The following SLC16A14 variants were observed in gnomAD, a reference collection of about 807,000 sequenced individuals.
SLC16A14 encodes the protein monocarboxylate transporter 14.
In SLC16A14, 14 loss-of-function variants were observed where a neutral mutation model predicts 35.8. That is an observed-to-expected ratio of 0.39 (90% confidence interval 0.26 to 0.61). The LOEUF (loss-of-function observed/expected upper bound fraction) is 0.61. Ranked by LOEUF, SLC16A14 falls within the 20% of genes least tolerant of loss-of-function variation. The pLI is 0.51. For missense variants in SLC16A14, 533 were observed against 655.0 expected, an observed-to-expected ratio of 0.81 and a Z score of 2.03; for synonymous variants, 248 against 258.9, an observed-to-expected ratio of 0.96 and a Z score of 0.40.
intron 2 of SLC16A14, among the ~76,000 whole-genome samples, chr2:230,051,052 C>G (rs569897672): frequency 2.6e-4 from 40 of 152,322 alleles, no homozygotes; most frequent in African/African-American, 8.9e-4. Flanking sequence ...TATGGAGATT[C>G]GGGAATCCAT....
intron 2 of SLC16A14, among the ~76,000 whole-genome samples, chr2:230,052,012 C>T (rs2077663995): frequency 6.6e-6 from 1 of 151,338 alleles, no homozygotes; most frequent in African/African-American, 2.4e-5. Context: ...TCTCGACTCA[C>T]TGCAAGCTCC....
At chr2:230,040,214 C>CATTATTATTATT (rs138263085) in intron 4 of SLC16A14, among the ~76,000 whole-genome samples, 20 of 150,420 alleles carry the variant, frequency 1.3e-4, no homozygotes, top group African/African-American at 3.7e-4. Flanking sequence ...AAATTGAATT[C>CATTATTATTATT]ATTATTATTA....
In SLC16A14 at chr2:230,048,911, G is replaced by T. The variant is rs559069356; in HGVS notation, c.403+850C>A. On this transcript the variant is annotated intron_variant, in intron 3 of 4. Coordinates refer to ENST00000295190, the MANE Select transcript of SLC16A14 (RefSeq NM_152527.5). ...ATACTCCAGCCTGGGCAACAAGAGTGAAACTCCATCTCAAAAAAAAAAAAA... is the reference window on the plus strand; with the variant it reads ...ATACTCCAGCCTGGGCAACAAGAGTTAAACTCCATCTCAAAAAAAAAAAAA... 2.3e-4 allele frequency among the ~76,000 whole-genome samples: 15 copies of T among 65,624 alleles called. No homozygotes were observed. In the South Asian group the frequency reaches 5.2e-3, roughly 23 times the overall value. 43.1% of individuals were successfully genotyped at this position (65,624 alleles called of 152,430 possible).
At chr2:230,061,731 T>C (rs1310805492) in intron 1 of SLC16A14, among the ~76,000 whole-genome samples, 1 of 150,700 alleles carries the variant, frequency 6.6e-6, no homozygotes, top group Non-Finnish European at 1.5e-5. Flanking sequence ...TTTTACTCAA[T>C]TTGAACAATA....
chr2:230,053,386 A>G (rs2077678240), intron 2 of SLC16A14, among the ~76,000 whole-genome samples: 2 of 152,212 alleles, frequency 1.3e-5, no homozygotes, highest in South Asian at 4.1e-4. Flanking sequence ...ACCATGACTC[A>G]CACTTTTATA....
At chr2:230,063,721 A>G (rs890954642) in intron 1 of SLC16A14, among the ~76,000 whole-genome samples, 3 of 152,218 alleles carry the variant, frequency 2.0e-5, no homozygotes, top group African/African-American at 7.2e-5. Flanking sequence ...GGAGCAAAAC[A>G]AAGAAAAATG....
chr2:230,060,661 C>G (rs910069237), intron 1 of SLC16A14, among the ~76,000 whole-genome samples: 3 of 151,636 alleles, frequency 2.0e-5, no homozygotes, highest in Non-Finnish European at 2.9e-5. Flanking sequence ...TGTGCCTGGC[C>G]TGTTTCATTT....
At chr2:230,042,036 T>C (rs2077564765) in intron 4 of SLC16A14, among the ~76,000 whole-genome samples, 2 of 152,216 alleles carry the variant, frequency 1.3e-5, no homozygotes, top group South Asian at 4.1e-4. Context: ...ATGAATTCAA[T>C]GGAAGATGAA....
rs1466867471 is a variant in SLC16A14, at chr2:230,037,436, A to C, written c.1477T>G (p.Cys493Gly). 1 of 1,613,064 alleles carries C rather than the reference A, an allele frequency of 6.2e-7. No homozygotes were observed. The change falls in exon 5 of 5, where the codon TGC (cysteine) becomes GGC (glycine). Residue 493 changes from cysteine to glycine, a missense_variant. Physicochemically the swap from Cys to Gly is radical, Grantham distance 159. Coordinates refer to ENST00000295190, the MANE Select transcript of SLC16A14 (RefSeq NM_152527.5). Reference sequence around the variant, plus strand: ...CTGGATTGTTCTATAATTCGAATGCACGGCTGAATAAGTAAAAAGAGTATT... The same window carrying C: ...CTGGATTGTTCTATAATTCGAATGCCCGGCTGAATAAGTAAAAAGAGTATT... ...IGILFLLIQPCIRIIEQSRRK... is the reference protein window; with the variant it reads ...IGILFLLIQPGIRIIEQSRRK...
chr2:230,053,634 A>G (rs2077679954), intron 2 of SLC16A14, among the ~76,000 whole-genome samples: 8 of 152,102 alleles, frequency 5.3e-5, no homozygotes, highest in Admixed American at 5.2e-4. Flanking sequence ...TACAAAAATT[A>G]GCCAGGTGTG....
intron 4 of SLC16A14, among the ~76,000 whole-genome samples, chr2:230,039,353 A>G (rs35227222): frequency 0.39 from 59,110 of 152,050 alleles, 13,085 homozygotes; most frequent in Non-Finnish European, 0.48. Flanking sequence ...TTTAGAAGTG[A>G]CTCAGTAAAG....
chr2:230,062,826 T>G (rs1478075236), intron 1 of SLC16A14, among the ~76,000 whole-genome samples: 11 of 152,310 alleles, frequency 7.2e-5, no homozygotes, highest in African/African-American at 2.2e-4. Context: ...CTTGTTCTCA[T>G]TATTATTTTT....
intron 1 of SLC16A14, among the ~76,000 whole-genome samples, chr2:230,065,546 T>G (rs1394919562): frequency 6.6e-6 from 1 of 152,210 alleles, no homozygotes; most frequent in Non-Finnish European, 1.5e-5. Flanking sequence ...TGAGCCAGCA[T>G]GCCTGGCCCA....
chr2:230,050,452 TAGAA>T (rs1206416835), intron 2 of SLC16A14, among the ~76,000 whole-genome samples: 1 of 152,184 alleles, frequency 6.6e-6, no homozygotes, highest in Non-Finnish European at 1.5e-5. Flanking sequence ...TCTTTCCAAA[TAGAA>T]AGACATTTCA....
intron 2 of SLC16A14, among the ~76,000 whole-genome samples, chr2:230,052,621 G>GAAA (rs112841296): frequency 6.0e-5 from 9 of 148,806 alleles, no homozygotes; most frequent in African/African-American, 2.0e-4. Flanking sequence ...AGGCGTTTGA[G>GAAA]AAAAAAAAAA....
At chr2:230,065,325 C>T (rs1456967782) in intron 1 of SLC16A14, among the ~76,000 whole-genome samples, 3 of 151,962 alleles carry the variant, frequency 2.0e-5, no homozygotes, top group Non-Finnish European at 4.4e-5. Flanking sequence ...GGCATGATCT[C>T]GGCTCATTGC....
chr2:230,049,783 G>A lies in SLC16A14; in HGVS notation c.381C>T (p.Phe127=). 3.1e-6 allele frequency: 5 copies of A among 1,613,980 alleles called. No individual in the cohort carries two copies. Among genetic ancestry groups the A allele is most frequent in the Non-Finnish European group, 4.2e-6 (5 of 1,179,898 alleles). Reference sequence around the variant, plus strand: ...TACCAGCTGCGACTCCAAAAGTAATGAAGAGATAATGCACGTTTGCAGCAT... The same window carrying A: ...TACCAGCTGCGACTCCAAAAGTAATAAAGAGATAATGCACGTTTGCAGCAT... ...SAYAANVHYL[F]ITFGVAAGLG... is the part of the protein sequence containing the mutation. The change falls in exon 3 of 5, where the codon TTC becomes TTT. Residue 127 remains phenylalanine (F), a synonymous_variant. Transcript: ENST00000295190.
chr2:230,045,971 G>A lies in SLC16A14; in HGVS notation c.1155C>T (p.Phe385=), dbSNP rs1163946932. Residue 385 remains phenylalanine, a synonymous_variant, in exon 4 of 5, where the codon TTC becomes TTT. Coordinates refer to ENST00000295190, the MANE Select transcript of SLC16A14 (RefSeq NM_152527.5). The part of the protein sequence containing the change: ...DLPCISVWNV[F]LLANFTLVLS... ...GGACAAGGGTGAAGTTGGCCAACAG[G>A]AAGACATTCCAAACACTAATGCAAG... 3 of 1,613,448 alleles carry A rather than the reference G, an allele frequency of 1.9e-6. No individual in the cohort carries two copies. In the East Asian group the frequency reaches 6.7e-5, roughly 36 times the overall value.
At chr2:230,056,879 TAAA>T (rs60620443) in intron 2 of SLC16A14, among the ~76,000 whole-genome samples, 106 of 95,496 alleles carry the variant, frequency 1.1e-3, no homozygotes, top group Non-Finnish European at 1.3e-3. Flanking sequence ...CTACAAAAAG[TAAA>T]AAAAAAAAAA....
Sources: gnomAD v4.1 joint callset for allele counts (sites outside exome capture counted in the v4.1 genomes callset) on GRCh38, gnomAD v4.1.1 for gene constraint, MANE v1.5 for transcripts, NCBI Gene and HGNC (gene_info 2026-07-23, HGNC 2026-07-21) for gene names.